Variants in DDHD1 observed in about 807,000 individuals in gnomAD.
DDHD1 encodes the protein phospholipase DDHD1.
Under a neutral mutation model 96.4 loss-of-function variants are expected in DDHD1, and 49 were observed. That is an observed-to-expected ratio of 0.51 (90% CI 0.40 to 0.64). The LOEUF (loss-of-function observed/expected upper bound fraction) is 0.64, where lower values mean the gene tolerates loss of function less well. Ranked by LOEUF, DDHD1 falls within the 30% of genes least tolerant of loss-of-function variation. The pLI is 0.00. For synonymous variants in DDHD1, 442 were observed against 446.5 expected (o/e 0.99, Z 0.13); for missense variants, 1,106 against 1,161.2 (o/e 0.95, Z 0.69).
chr14:53,094,840 T>A (rs1421869051), intron 2 of DDHD1, among the ~76,000 whole-genome samples: 3 of 68,192 alleles, frequency 4.4e-5, no homozygotes, highest in East Asian at 1.9e-3. Flanking sequence ...AGAGATCCTG[T>A]CTCAAAAAAA....
At chr14:53,075,683 G>C (rs1288199499) in intron 4 of DDHD1, among the ~76,000 whole-genome samples, 1 of 152,162 alleles carries the variant, frequency 6.6e-6, no homozygotes, top group Admixed American at 6.5e-5. Flanking sequence ...AGCTAGAGAG[G>C]AGAAGTCAAT....
intron 1 of DDHD1, among the ~76,000 whole-genome samples, chr14:53,128,727 C>G (rs1889644612): frequency 6.6e-6 from 1 of 152,222 alleles, no homozygotes; most frequent in African/African-American, 2.4e-5. Flanking sequence ...CTTCTACCTA[C>G]AGCCCATAAC....
intron 1 of DDHD1, among the ~76,000 whole-genome samples, chr14:53,143,198 C>A (rs974263455): frequency 1.3e-5 from 2 of 152,188 alleles, no homozygotes; most frequent in South Asian, 2.1e-4. Flanking sequence ...AAGTCTGGAT[C>A]CAGTGGTCCT....
intron 1 of DDHD1, among the ~76,000 whole-genome samples, chr14:53,110,343 C>T (rs1226345629): frequency 6.6e-6 from 1 of 152,228 alleles, no homozygotes; most frequent in Non-Finnish European, 1.5e-5. Flanking sequence ...TACTCACAAG[C>T]AAGTGTATAT....
rs188679769 is a variant in DDHD1, at chr14:53,051,206, T to C, written c.2521+638A>G. 5.8e-3 allele frequency among the ~76,000 whole-genome samples: 876 copies of C among 151,978 alleles called. 7 individuals carry two copies. The highest frequency in any genetic ancestry group is 0.02 in the African/African-American group (845 of 41,520). On this transcript the variant is annotated intron_variant, in intron 12 of 12. Transcript: ENST00000673822. ...AAAGACAAAATCCAGCATTTTTTTT[T>C]TTAAAAGAGAAGCTGTGGAAAAAGA...
intron 1 of DDHD1, among the ~76,000 whole-genome samples, chr14:53,104,728 A>G (rs1264226576): frequency 1.3e-5 from 2 of 152,172 alleles, no homozygotes; most frequent in Non-Finnish European, 2.9e-5. Context: ...ACTGTCAGCT[A>G]AACTATCTTG....
At chr14:53,084,861 C>T (rs1885798363) in intron 4 of DDHD1, among the ~76,000 whole-genome samples, 1 of 152,196 alleles carries the variant, frequency 6.6e-6, no homozygotes, top group Admixed American at 6.5e-5. Context: ...TGGGGATTTC[C>T]CTTTCCTAGC....
chr14:53,114,999 A>G (rs531095685), intron 1 of DDHD1, among the ~76,000 whole-genome samples: 1 of 152,318 alleles, frequency 6.6e-6, no homozygotes, highest in Admixed American at 6.5e-5. Flanking sequence ...AGGAACTGCT[A>G]ACTAGAATAA....
Position 53,062,844 on chromosome 14 carries a change from G to GA in DDHD1, c.1766+98_1766+99insT, listed in dbSNP as rs1272500586. On this transcript the variant is annotated intron_variant, in intron 7 of 12. Transcript: ENST00000673822. ...TAGTAATCTTTGTATCTTGAACAAT[G>GA]CATTATTTCTTTATCATGAAATTCT... The GA allele has an allele frequency of 1.9e-5, 24 of 1,241,982 alleles. No individual in the cohort carries two copies. In the Admixed American group the frequency reaches 3.8e-4, roughly 20 times the overall value. The allele number at this position is 1,241,982 out of a possible 1,614,324, so 76.9% of individuals were successfully genotyped here.
intron 1 of DDHD1, among the ~76,000 whole-genome samples, chr14:53,115,130 C>G (rs1888444126): frequency 6.6e-6 from 1 of 151,962 alleles, no homozygotes; most frequent in Non-Finnish European, 1.5e-5. Context: ...ATATCAGGGA[C>G]TGAAGATCAC....
At chr14:53,142,616 A>G (rs898755298) in intron 1 of DDHD1, among the ~76,000 whole-genome samples, 5 of 152,266 alleles carry the variant, frequency 3.3e-5, no homozygotes, top group African/African-American at 7.2e-5. Context: ...TATCTCTCAC[A>G]TTTGGTGACA....
intron 3 of DDHD1, chr14:53,092,865 A>G (rs562192133): frequency 2.0e-5 from 3 of 153,344 alleles, no homozygotes; most frequent in East Asian, 1.9e-4. Flanking sequence ...AAAAGAAGAA[A>G]AAAAAAAAGG....
At chr14:53,113,657 G>A (rs868080257) in intron 1 of DDHD1, among the ~76,000 whole-genome samples, 2 of 152,108 alleles carry the variant, frequency 1.3e-5, no homozygotes, top group East Asian at 1.9e-4. Context: ...ACCTCCCTCC[G>A]CCAGCCAAGG....
chr14:53,133,480 G>A (rs1228884669), intron 1 of DDHD1, among the ~76,000 whole-genome samples: 1 of 152,090 alleles, frequency 6.6e-6, no homozygotes, highest in Non-Finnish European at 1.5e-5. Flanking sequence ...GGCATTCAAT[G>A]GAAACTTCGT....
chr14:53,066,365 T>TG (rs901493582), intron 6 of DDHD1, among the ~76,000 whole-genome samples: 3 of 152,106 alleles, frequency 2.0e-5, no homozygotes, highest in Non-Finnish European at 4.4e-5. Flanking sequence ...TTGGTTGGGC[T>TG]GGTCTCGAAT....
chr14:53,064,006 C>G (rs1883814500), intron 6 of DDHD1, among the ~76,000 whole-genome samples: 1 of 152,062 alleles, frequency 6.6e-6, no homozygotes, highest in Admixed American at 6.6e-5. Flanking sequence ...AGGCAGTCTT[C>G]TTTCTTCCTA....
At chr14:53,047,775 A>ATTT in intron 12 of DDHD1, among the ~76,000 whole-genome samples, 1 of 152,222 alleles carries the variant, frequency 6.6e-6, no homozygotes, top group Non-Finnish European at 1.5e-5. Flanking sequence ...CAAGGCTCTA[A>ATTT]AATAATTCCA....
chr14:53,145,316 T>C (rs1890901120), intron 1 of DDHD1, among the ~76,000 whole-genome samples: 2 of 151,816 alleles, frequency 1.3e-5, no homozygotes, highest in South Asian at 2.1e-4. Flanking sequence ...CTGGGCAACA[T>C]AGGAAGACCA....
At chr14:53,152,154 G>GTAT in intron 1 of DDHD1, 107 bp downstream of exon 1, 1 of 1,116,688 alleles carries the variant, frequency 9.0e-7, no homozygotes. Flanking sequence ...CAAACGCCAG[G>GTAT]CCTCACGCGC....
Sources: gnomAD v4.1 joint callset for allele counts (sites outside exome capture counted in the v4.1 genomes callset) on GRCh38, gnomAD v4.1.1 for gene constraint, MANE v1.5 for transcripts, NCBI Gene and HGNC (gene_info 2026-07-23, HGNC 2026-07-21) for gene names.